The following ITPR1 variants were observed in gnomAD, a reference collection of about 807,000 sequenced individuals.
ITPR1 encodes the protein inositol 1,4,5-trisphosphate-gated calcium channel ITPR1.
In ITPR1, 96 loss-of-function variants were observed where a neutral mutation model predicts 318.4. That is an observed-to-expected ratio of 0.30 (90% CI 0.26 to 0.36). ITPR1 has a LOEUF of 0.36. Among genes scored for constraint, ITPR1 ranks in the 10% least tolerant of loss-of-function variants. The pLI is 1.00. For missense variants in ITPR1, 2,440 were observed against 3,460.2 expected, an observed-to-expected ratio of 0.71 and a Z score of 7.40; for synonymous variants, 1,312 against 1,289.9, an observed-to-expected ratio of 1.02 and a Z score of -0.37.
rs758430434 is a variant in ITPR1 at position 4,680,629 on chromosome 3, A to T, written c.3044A>T (p.Asn1015Ile). 6.2e-7 allele frequency: 1 copy of T among 1,613,818 alleles called. No homozygotes were observed. The highest frequency in any genetic ancestry group is 1.1e-5 in the South Asian group (1 of 91,066). ...TTTAAGCGAGAGTTTGATGAAAGCA[A>T]TTCCCAGACTTCAGAAACATCCTCC... ...CIFKREFDES[N>I]SQTSETSSGN... Residue 1015 changes from asparagine (N) to isoleucine (I), a missense_variant, in exon 25 of 62, where the codon AAT (asparagine) becomes ATT (isoleucine). Physicochemically the swap from Asn to Ile is moderately radical, Grantham distance 149. Transcript: ENST00000649015.
chr3:4,528,682 G>A (rs1212209095), intron 4 of ITPR1, among the ~76,000 whole-genome samples: 2 of 152,088 alleles, frequency 1.3e-5, no homozygotes, highest in African/African-American at 2.4e-5. Flanking sequence ...CTTTCTGCCT[G>A]TCTTGTTAAA....
At chr3:4,566,784 C>T (rs1284471920) in intron 4 of ITPR1, among the ~76,000 whole-genome samples, 2 of 152,222 alleles carry the variant, frequency 1.3e-5, no homozygotes, top group Non-Finnish European at 2.9e-5. Flanking sequence ...GGGCCTTGGC[C>T]ACTACTAGAT....
At position 4,846,543 on chromosome 3, in the gene ITPR1, A is replaced by AAAACT. The variant is rs1229247548; in HGVS notation, c.*320_*324dup. 1 of 197,974 alleles carries AAAACT rather than the reference A, an allele frequency of 5.1e-6. No homozygotes were observed. Among genetic ancestry groups the AAAACT allele is most frequent in the African/African-American group, 2.3e-5 (1 of 43,138 alleles). 12.3% of individuals were successfully genotyped at this position (197,974 alleles called of 1,614,324 possible). A position where few individuals can be genotyped will look rare whatever the true frequency, so the allele number is the denominator to read the frequency against. On this transcript the variant is annotated 3_prime_UTR_variant, in exon 62 of 62. Coordinates refer to ENST00000649015, the MANE Select transcript of ITPR1 (RefSeq NM_001378452.1). ...AGTATATGACATGTATTTTGTATTT[A>AAAACT]AAACTAGAATAGCCAGTATTTATGT...
chr3:4,809,740 G>C (rs1170647571), intron 55 of ITPR1, among the ~76,000 whole-genome samples: 1 of 152,182 alleles, frequency 6.6e-6, no homozygotes, highest in East Asian at 1.9e-4. Context: ...AAAATCGCTT[G>C]TCATTTCTAT....
chr3:4,592,055 A>G (rs975949037), intron 4 of ITPR1, among the ~76,000 whole-genome samples: 1 of 152,164 alleles, frequency 6.6e-6, no homozygotes, highest in Non-Finnish European at 1.5e-5. Flanking sequence ...GTTAATTCCG[A>G]GCTGGGGTTC....
rs184126500 is a variant in ITPR1, at chr3:4,541,888, C to T, written c.163+20794C>T. On this transcript the variant is annotated intron_variant, in intron 4 of 61. Transcript: ENST00000649015. ...ATACACCCACCTTGGCCTCCCAAAG[C>T]GCAAGGATTATAGGCATGAGCCACT... 9.9e-5 allele frequency among the ~76,000 whole-genome samples: 15 copies of T among 152,196 alleles called. No homozygotes were observed. In the East Asian group the frequency reaches 1.7e-3, roughly 18 times the overall value.
intron 5 of ITPR1, among the ~76,000 whole-genome samples, chr3:4,629,909 G>A: frequency 6.6e-6 from 1 of 152,092 alleles, no homozygotes; most frequent in East Asian, 1.9e-4. Flanking sequence ...TCAAAGACTT[G>A]GAGGCTAGTG....
At chr3:4,499,305 G>T (rs141008434) in intron 2 of ITPR1, among the ~76,000 whole-genome samples, 58 of 152,216 alleles carry the variant, frequency 3.8e-4, no homozygotes, top group Non-Finnish European at 6.5e-4. Flanking sequence ...TAAAATTTAC[G>T]TATATATTTA....
In ITPR1 at chr3:4,798,924, G is replaced by A. The variant is rs560836925; in HGVS notation, c.6932-1501G>A. ...ACACTATTAGATCAGTGGTAGCTGGGGGTAGGGATGGGGCAAGGCATCACC... is the reference window on the plus strand; with the variant it reads ...ACACTATTAGATCAGTGGTAGCTGGAGGTAGGGATGGGGCAAGGCATCACC... On this transcript the variant is annotated intron_variant, in intron 53 of 61. Transcript: ENST00000649015. Among the ~76,000 whole-genome samples, 132 of 152,296 alleles carry A rather than the reference G, an allele frequency of 8.7e-4. 1 individual carries two copies. Among genetic ancestry groups the A allele is most frequent in the Non-Finnish European group, 1.6e-3 (110 of 68,022 alleles).
At chr3:4,773,864 G>C (rs1221304036) in intron 46 of ITPR1, among the ~76,000 whole-genome samples, 1 of 152,238 alleles carries the variant, frequency 6.6e-6, no homozygotes, top group Non-Finnish European at 1.5e-5. Context: ...TGGAGCAAAA[G>C]GGATTTGGGT....
intron 10 of ITPR1, among the ~76,000 whole-genome samples, chr3:4,649,695 G>T (rs1246911768): frequency 6.6e-6 from 1 of 151,994 alleles, no homozygotes; most frequent in African/African-American, 2.4e-5. Context: ...TCATAAACTG[G>T]GTTGCTTATA....
At chr3:4,563,801 T>G (rs1327099356) in intron 4 of ITPR1, among the ~76,000 whole-genome samples, 1 of 152,180 alleles carries the variant, frequency 6.6e-6, no homozygotes, top group Non-Finnish European at 1.5e-5. Flanking sequence ...CATGGTTGTT[T>G]ATTAAACAAA....
chr3:4,656,040 G>C (rs1329706225), intron 12 of ITPR1, among the ~76,000 whole-genome samples: 1 of 152,184 alleles, frequency 6.6e-6, no homozygotes, highest in Non-Finnish European at 1.5e-5. Context: ...ACTTGGCTTT[G>C]TTGTGCTCGT....
chr3:4,794,309 C>T lies in ITPR1; in HGVS notation c.6809-756C>T, dbSNP rs556602439. On this transcript the variant is annotated intron_variant, in intron 52 of 61. Coordinates refer to ENST00000649015, the MANE Select transcript of ITPR1 (RefSeq NM_001378452.1). The stretch of plus-strand genomic sequence containing the variant: ...TGTGGGCAGCGGTGGATTAAGGTGG[C>T]AGCAATGTCCAAAGCGTCTCTGTCT... Among the ~76,000 whole-genome samples the T allele has an allele frequency of 3.3e-5, 5 of 152,292 alleles. No homozygotes were observed. In the South Asian group the frequency reaches 1.0e-3, roughly 32 times the overall value.
intron 34 of ITPR1, among the ~76,000 whole-genome samples, chr3:4,697,514 C>G (rs1277635267): frequency 5.2e-5 from 7 of 135,882 alleles, no homozygotes; most frequent in Non-Finnish European, 9.3e-5. Context: ...TGCAGTGGCA[C>G]AATCTCAGTT....
rs147064432 is a variant in ITPR1 at position 4,548,794 on chromosome 3, C to T, written c.163+27700C>T. On this transcript the variant is annotated intron_variant, in intron 4 of 61. Coordinates refer to ENST00000649015, the MANE Select transcript of ITPR1 (RefSeq NM_001378452.1). ...ATGACCTTTTAATCTAAAGTAACTTCTTAGAAACCCACATTCTCTGTAAGT... is the reference window on the plus strand; with the variant it reads ...ATGACCTTTTAATCTAAAGTAACTTTTTAGAAACCCACATTCTCTGTAAGT... Among the ~76,000 whole-genome samples, 97 of 152,324 alleles carry T rather than the reference C, an allele frequency of 6.4e-4. 1 individual carries two copies. In the Middle Eastern group the frequency reaches 0.014, roughly 21 times the overall value.
chr3:4,674,013 G>C (rs2094139053), intron 21 of ITPR1, among the ~76,000 whole-genome samples, 189 bp from the exon 22 acceptor site: 1 of 152,216 alleles, frequency 6.6e-6, no homozygotes, highest in Non-Finnish European at 1.5e-5. Flanking sequence ...GTTGGTGGAA[G>C]ACAGACAATA....
intron 44 of ITPR1, among the ~76,000 whole-genome samples, chr3:4,744,750 G>A (rs2043954704): frequency 6.6e-6 from 1 of 152,154 alleles, no homozygotes; most frequent in Non-Finnish European, 1.5e-5. Context: ...CTCATCCCCT[G>A]GTATGGCAAT....
At chr3:4,607,267 G>C (rs1487203290) in intron 4 of ITPR1, among the ~76,000 whole-genome samples, 1 of 152,120 alleles carries the variant, frequency 6.6e-6, no homozygotes, top group Non-Finnish European at 1.5e-5. Context: ...AGGATCTCTA[G>C]ATGATTTGAC....
Sources: gnomAD v4.1 joint callset for allele counts (sites outside exome capture counted in the v4.1 genomes callset) on GRCh38, gnomAD v4.1.1 for gene constraint, MANE v1.5 for transcripts, NCBI Gene and HGNC (gene_info 2026-07-23, HGNC 2026-07-21) for gene names.